Variants in WASL observed in about 807,000 individuals in gnomAD.
WASL encodes WASP like actin nucleation promoting factor, also known as actin nucleation-promoting factor WASL.
In WASL, 20 loss-of-function variants were observed where a neutral mutation model predicts 55.5. The ratio of observed to expected loss-of-function variants is 0.36; its 90% CI spans 0.25 to 0.52. The LOEUF is 0.52. Ranked by LOEUF, WASL falls within the 20% of genes least tolerant of loss-of-function variation. The pLI is 0.92. For synonymous variants in WASL, 249 were observed against 217.6 expected, an observed-to-expected ratio of 1.14 and a Z score of -1.27; for missense variants, 504 against 622.5, an observed-to-expected ratio of 0.81 and a Z score of 2.03.
intron 1 of WASL, among the ~76,000 whole-genome samples, chr7:123,734,669 G>A (rs531629169): frequency 3.3e-5 from 5 of 151,550 alleles, no homozygotes; most frequent in Admixed American, 3.3e-4. Flanking sequence ...CTGCAGTGCA[G>A]GGTATCTGTA....
intron 5 of WASL, among the ~76,000 whole-genome samples, chr7:123,700,191 A>C (rs1803560156): frequency 2.7e-5 from 4 of 148,190 alleles, no homozygotes; most frequent in Admixed American, 6.7e-5. Flanking sequence ...AAAAAAAAAA[A>C]AAAAAAAAAA....
chr7:123,711,060 G>T (rs914338873), intron 1 of WASL, among the ~76,000 whole-genome samples: 1 of 152,078 alleles, frequency 6.6e-6, no homozygotes, highest in Non-Finnish European at 1.5e-5. Flanking sequence ...TAGGAAACTA[G>T]ATGTACCAAA....
chr7:123,707,344 CTT>C, intron 2 of WASL, among the ~76,000 whole-genome samples: 1 of 152,154 alleles, frequency 6.6e-6, no homozygotes. Context: ...AAATTCTTAA[CTT>C]TTGCAGAGTA....
intron 8 of WASL, among the ~76,000 whole-genome samples, chr7:123,694,307 T>C (rs1258572298): frequency 6.6e-6 from 1 of 152,202 alleles, no homozygotes; most frequent in Non-Finnish European, 1.5e-5. Flanking sequence ...AAAGGATTTG[T>C]ATTTCAAAAT....
intron 7 of WASL, 65 bp downstream of exon 7, chr7:123,695,758 A>G: frequency 6.5e-7 from 1 of 1,532,404 alleles, no homozygotes. Context: ...ATTTAAAAAA[A>G]TCTAAAATAG....
chr7:123,709,186 T>C lies in WASL; in HGVS notation c.155A>G (p.Asp52Gly). 6.2e-7 allele frequency: 1 copy of C among 1,612,478 alleles called. No individual in the cohort carries two copies. The highest frequency in any genetic ancestry group is 8.5e-7 in the Non-Finnish European group (1 of 1,179,002). ...SSAVVQLYAA[D>G]RNCMWSKKCS... ...CTTCTTTGACCACATACAGTTCCGATCTGCTGCATATAACTGCACCACTGC... is the reference window on the plus strand; with the variant it reads ...CTTCTTTGACCACATACAGTTCCGACCTGCTGCATATAACTGCACCACTGC... The change falls in exon 2 of 11, where the codon GAT becomes GGT. Residue 52 changes from aspartate (D) to glycine (G), a missense_variant. Asp to Gly is a moderately conservative substitution (Grantham distance 94). Coordinates refer to ENST00000223023, the MANE Select transcript of WASL (RefSeq NM_003941.4).
chr7:123,728,742 A>T (rs1804092934), intron 1 of WASL, among the ~76,000 whole-genome samples: 1 of 152,152 alleles, frequency 6.6e-6, no homozygotes, highest in Non-Finnish European at 1.5e-5. Context: ...AGGCTGAGGC[A>T]GGAGAATCGC....
rs558165967 is a variant in WASL, at chr7:123,686,641, G to T, written c.1457-2061C>A. ...TCACAGATACCAGCATAGAATAAATGCTTTTTCAGAATCATGTAGTTCACA... is the reference window on the plus strand; with the variant it reads ...TCACAGATACCAGCATAGAATAAATTCTTTTTCAGAATCATGTAGTTCACA... On this transcript the variant is annotated intron_variant, in intron 10 of 10. Coordinates refer to ENST00000223023, the MANE Select transcript of WASL (RefSeq NM_003941.4). 4.7e-3 allele frequency among the ~76,000 whole-genome samples: 713 copies of T among 152,158 alleles called. 3 individuals are homozygous for T. Among genetic ancestry groups the T allele is most frequent in the Non-Finnish European group, 7.3e-3 (494 of 67,936 alleles).
At chr7:123,707,007 T>G (rs1050402711) in intron 2 of WASL, among the ~76,000 whole-genome samples, 181 bp from the exon 3 acceptor site, 10 of 152,162 alleles carry the variant, frequency 6.6e-5, no homozygotes, top group African/African-American at 2.4e-4. Context: ...TTCTTAAAAC[T>G]GAAAACACTG....
At position 123,735,337 on chromosome 7, in the gene WASL, T is replaced by C. The variant is rs182736876; in HGVS notation, c.117+13281A>G. Among the ~76,000 whole-genome samples the C allele has an allele frequency of 6.3e-3, 945 of 150,776 alleles. 9 individuals carry two copies. Among genetic ancestry groups the C allele is most frequent in the African/African-American group, 0.021 (874 of 41,050 alleles). On this transcript the variant is annotated intron_variant, in intron 1 of 10. Transcript: ENST00000223023. ...GACTTATTAAAAGAGTCAAGGTAAA[T>C]TTTACAAAATCTGGCATTCAATCAA...
intron 1 of WASL, among the ~76,000 whole-genome samples, 163 bp downstream of exon 1, chr7:123,748,455 G>A (rs1029353182): frequency 2.6e-5 from 4 of 151,906 alleles, no homozygotes; most frequent in African/African-American, 9.7e-5. Flanking sequence ...CGCACCCTGG[G>A]AGCAGGGCGA....
intron 1 of WASL, among the ~76,000 whole-genome samples, chr7:123,732,656 T>C (rs964656769): frequency 1.3e-5 from 2 of 152,088 alleles, no homozygotes; most frequent in African/African-American, 4.8e-5. Context: ...CTTCCAGAAA[T>C]AGAAGCAGAA....
intron 9 of WASL, among the ~76,000 whole-genome samples, chr7:123,690,071 T>C (rs28604944): frequency 0.021 from 3,270 of 152,216 alleles, 139 homozygotes; most frequent in African/African-American, 0.075. Flanking sequence ...CTATTTCCAG[T>C]ATAGAAGTAC....
intron 5 of WASL, among the ~76,000 whole-genome samples, chr7:123,699,200 A>G (rs1353552559): frequency 1.3e-5 from 2 of 152,070 alleles, no homozygotes; most frequent in Non-Finnish European, 2.9e-5. Context: ...CCTGGCCAAT[A>G]TGGTGAAACC....
At chr7:123,709,038 A>G in intron 2 of WASL, 51 bp downstream of exon 2, 2 of 1,500,094 alleles carry the variant, frequency 1.3e-6, no homozygotes, top group Non-Finnish European at 1.8e-6. Context: ...ATTATAATTG[A>G]TATAGAAAAC....
chr7:123,737,596 CAAA>C lies in WASL; in HGVS notation c.117+11019_117+11021del, dbSNP rs34669724. 2.2e-4 allele frequency among the ~76,000 whole-genome samples: 16 copies of C among 72,802 alleles called. No homozygotes were observed. The South Asian group carries it at 9.4e-3, about 43-fold the overall frequency. The allele number at this position is 72,802 out of a possible 152,430, so 47.8% of individuals were successfully genotyped here. On this transcript the variant is annotated intron_variant, in intron 1 of 10. Coordinates refer to ENST00000223023, the MANE Select transcript of WASL (RefSeq NM_003941.4). ...GGTGACAGAGCAAGACTCCGTCTCC[CAAA>C]AAAAAAAAAAAAAAAAGCATTTCAT...
chr7:123,702,432 T>C (rs1310348384), intron 5 of WASL, among the ~76,000 whole-genome samples: 3 of 152,154 alleles, frequency 2.0e-5, no homozygotes, highest in Non-Finnish European at 2.9e-5. Flanking sequence ...ATATAAAGAA[T>C]TTTCAAATTC....
At chr7:123,693,344 A>T (rs149628883) in intron 8 of WASL, among the ~76,000 whole-genome samples, 26 of 152,384 alleles carry the variant, frequency 1.7e-4, no homozygotes, top group Middle Eastern at 3.4e-3. Context: ...AATAGAATTC[A>T]TTCACATTAA....
intron 5 of WASL, among the ~76,000 whole-genome samples, chr7:123,701,121 G>A (rs1019319911): frequency 1.3e-5 from 2 of 152,152 alleles, no homozygotes; most frequent in African/African-American, 4.8e-5. Context: ...TAAAGTATAT[G>A]AAAGATTTAG....
Sources: gnomAD v4.1 joint callset for allele counts (sites outside exome capture counted in the v4.1 genomes callset) on GRCh38, gnomAD v4.1.1 for gene constraint, MANE v1.5 for transcripts, NCBI Gene and HGNC (gene_info 2026-07-23, HGNC 2026-07-21) for gene names.